The following DLG2 variants were observed in gnomAD, a reference collection of about 807,000 sequenced individuals.
DLG2 encodes the protein disks large homolog 2.
DLG2 carries 45 observed loss-of-function variants against 132.5 expected under a neutral mutation model. The ratio of observed to expected loss-of-function variants is 0.34; its 90% CI spans 0.27 to 0.44. The LOEUF (loss-of-function observed/expected upper bound fraction) is 0.44. Ranked by LOEUF, DLG2 falls within the 20% of genes least tolerant of loss-of-function variation. DLG2 has a pLI of 1.00. For synonymous variants in DLG2, 424 were observed against 419.6 expected, an observed-to-expected ratio of 1.01 and a Z score of -0.13; for missense variants, 1,045 against 1,196.9, an observed-to-expected ratio of 0.87 and a Z score of 1.87.
chr11:84,843,088 G>A (rs988768926), intron 6 of DLG2, among the ~76,000 whole-genome samples: 2 of 151,862 alleles, frequency 1.3e-5, no homozygotes, highest in East Asian at 1.9e-4. Flanking sequence ...TAACCATATA[G>A]TATTGTGCAC....
chr11:85,099,576 T>C (rs1418584620), intron 6 of DLG2, among the ~76,000 whole-genome samples: 1 of 152,204 alleles, frequency 6.6e-6, no homozygotes, highest in Non-Finnish European at 1.5e-5. Flanking sequence ...TATTTTAACA[T>C]TAAATTGTGT....
At chr11:83,749,783 C>T (rs1348726690) in intron 18 of DLG2, among the ~76,000 whole-genome samples, 1 of 152,156 alleles carries the variant, frequency 6.6e-6, no homozygotes, top group African/African-American at 2.4e-5. Flanking sequence ...GGAAAATTGG[C>T]AGATACCTTC....
chr11:84,043,642 T>C (rs1409574664), intron 11 of DLG2, among the ~76,000 whole-genome samples: 1 of 151,846 alleles, frequency 6.6e-6, no homozygotes, highest in East Asian at 1.9e-4. Context: ...TAGCTCATTT[T>C]CTTGAAGCTC....
At chr11:84,586,942 T>C (rs1016250767) in intron 6 of DLG2, among the ~76,000 whole-genome samples, 4 of 152,248 alleles carry the variant, frequency 2.6e-5, no homozygotes, top group African/African-American at 9.6e-5. Context: ...GTTTCCCACC[T>C]TGATGGGTTT....
chr11:83,692,539 GA>G lies in DLG2; in HGVS notation c.1826-59215del, dbSNP rs144257134. Reference sequence around the variant, plus strand: ...TAGTTATGGGGTTTCTTTTGGAGATGATGAAAATGCTCTAAAATTGTGGTGA... The same window carrying G: ...TAGTTATGGGGTTTCTTTTGGAGATGTGAAAATGCTCTAAAATTGTGGTGA... On this transcript the variant is annotated intron_variant, in intron 18 of 27. Coordinates refer to ENST00000376104, the MANE Select transcript of DLG2 (RefSeq NM_001142699.3). Among the ~76,000 whole-genome samples the G allele has an allele frequency of 6.2e-3, 948 of 152,248 alleles. 6 individuals are homozygous for G. Among genetic ancestry groups the G allele is most frequent in the African/African-American group, 0.022 (899 of 41,532 alleles).
intron 21 of DLG2, among the ~76,000 whole-genome samples, chr11:83,520,690 G>T (rs888876184): frequency 2.5e-5 from 3 of 121,212 alleles, no homozygotes; most frequent in African/African-American, 9.7e-5. Context: ...CAGGTAAGTA[G>T]GTAGGTAGAT....
In DLG2 at chr11:84,300,005, A is replaced by G. The variant is rs149104120; in HGVS notation, c.520-48714T>C. ...AAGAACAACGTGTTTGTAACAGATA[A>G]AATGTTATACAATCAAAACCATATA... On this transcript the variant is annotated intron_variant, in intron 7 of 27. Transcript: ENST00000376104. Among the ~76,000 whole-genome samples, 1,413 of 152,164 alleles carry G rather than the reference A, an allele frequency of 9.3e-3. 7 individuals are homozygous for G. The highest frequency in any genetic ancestry group is 0.016 in the Non-Finnish European group (1,060 of 67,994).
intron 3 of DLG2, among the ~76,000 whole-genome samples, chr11:85,513,114 T>C (rs1324561025): frequency 6.6e-6 from 1 of 151,958 alleles, no homozygotes; most frequent in East Asian, 1.9e-4. Context: ...CACAGCATAT[T>C]CTCACTTATA....
intron 17 of DLG2, among the ~76,000 whole-genome samples, chr11:83,820,844 A>C (rs1446675280): frequency 6.6e-6 from 1 of 152,154 alleles, no homozygotes; most frequent in Non-Finnish European, 1.5e-5. Flanking sequence ...CTGGTAAGTT[A>C]TTCATCCAGG....
intron 15 of DLG2, among the ~76,000 whole-genome samples, chr11:83,881,726 C>G (rs888415526): frequency 4.6e-5 from 7 of 152,210 alleles, no homozygotes; most frequent in Middle Eastern, 3.4e-3. Flanking sequence ...ATGTTTATGT[C>G]CCATAAATTT....
intron 6 of DLG2, among the ~76,000 whole-genome samples, chr11:84,780,319 A>C (rs2071497773): frequency 6.6e-6 from 1 of 152,142 alleles, no homozygotes; most frequent in Non-Finnish European, 1.5e-5. Flanking sequence ...GCATTTAATA[A>C]AATTCAGCAT....
At chr11:85,101,116 G>A (rs1281813759) in intron 6 of DLG2, among the ~76,000 whole-genome samples, 1 of 152,044 alleles carries the variant, frequency 6.6e-6, no homozygotes, top group South Asian at 2.1e-4. Context: ...TAAAGCGTAA[G>A]AGCTTGTTAT....
intron 4 of DLG2, among the ~76,000 whole-genome samples, chr11:85,260,187 A>C (rs2076870335): frequency 6.6e-6 from 1 of 152,332 alleles, no homozygotes; most frequent in African/African-American, 2.4e-5. Flanking sequence ...GTGAGGATTA[A>C]ATGAGAGAAT....
At chr11:84,273,757 A>G (rs1454553409) in intron 7 of DLG2, among the ~76,000 whole-genome samples, 1 of 152,198 alleles carries the variant, frequency 6.6e-6, no homozygotes, top group East Asian at 1.9e-4. Flanking sequence ...AAATACAACT[A>G]TATACATGCA....
At chr11:83,503,425 A>ATAGT in intron 21 of DLG2, among the ~76,000 whole-genome samples, 2 of 115,748 alleles carry the variant, frequency 1.7e-5, no homozygotes, top group Non-Finnish European at 3.6e-5. Context: ...ATATATATAG[A>ATAGT]TAGATCTAAT....
At chr11:85,544,765 G>A (rs1284771846) in intron 3 of DLG2, among the ~76,000 whole-genome samples, 1 of 152,128 alleles carries the variant, frequency 6.6e-6, no homozygotes, top group African/African-American at 2.4e-5. Flanking sequence ...ATGTGAATGG[G>A]AGTTCACTCA....
At chr11:84,001,196 AACAT>A (rs2094326974) in intron 11 of DLG2, among the ~76,000 whole-genome samples, 5 of 152,080 alleles carry the variant, frequency 3.3e-5, no homozygotes, top group Admixed American at 1.3e-4. Flanking sequence ...GCCTATAAGA[AACAT>A]ACTTTACCTA....
At chr11:84,140,230 C>T (rs145669353) in intron 9 of DLG2, among the ~76,000 whole-genome samples, 15 of 152,244 alleles carry the variant, frequency 9.9e-5, no homozygotes, top group Admixed American at 3.3e-4. Context: ...CATGTAAACA[C>T]CTCCTGAGCG....
intron 6 of DLG2, among the ~76,000 whole-genome samples, chr11:84,755,304 G>A (rs1356948245): frequency 6.6e-6 from 1 of 152,204 alleles, no homozygotes; most frequent in African/African-American, 2.4e-5. Flanking sequence ...AATTTTTGTA[G>A]AATGTTACAT....
Sources: allele counts gnomAD v4.1 joint callset (sites outside exome capture counted in the v4.1 genomes callset), GRCh38; gene constraint gnomAD v4.1.1; transcripts MANE v1.5; gene names NCBI Gene and HGNC (gene_info 2026-07-23, HGNC 2026-07-21).